Variants in TRMT1 observed in about 807,000 individuals in gnomAD.
TRMT1 encodes the protein tRNA (guanine(26)-N(2))-dimethyltransferase.
TRMT1 carries 63 observed loss-of-function variants against 75.4 expected under a neutral mutation model. That is an observed-to-expected ratio of 0.84 (90% CI 0.68 to 1.03). The LOEUF is 1.03. TRMT1 is among the 50% of genes least tolerant of loss of function. The pLI, the probability that TRMT1 is intolerant of heterozygous loss-of-function variation, is 0.00. For synonymous variants in TRMT1, 382 were observed against 358.1 expected (o/e 1.07, Z -0.75); for missense variants, 870 against 905.3 (o/e 0.96, Z 0.50).
chr19:13,105,670 C>T, intron 14 of TRMT1, 64 bp from the exon 15 acceptor site: 7 of 1,486,570 alleles, frequency 4.7e-6, no homozygotes, highest in Non-Finnish European at 4.6e-6. Flanking sequence ...GTCCCCACTC[C>T]CCACAGGGCC....
At position 13,107,637 on chromosome 19, in the gene TRMT1, G is replaced by T. The variant is rs749406069; in HGVS notation, c.1520C>A (p.Pro507Gln). The change falls in exon 14 of 17, where the codon CCG becomes CAG. Residue 507 changes from proline to glutamine, a missense_variant. Pro to Gln is a moderately conservative substitution (Grantham distance 76). Transcript: ENST00000357720. ...DIMRCWEKECPVKRERLSETS... is the reference protein window; with the variant it reads ...DIMRCWEKECQVKRERLSETS... ...CTCTGATAGTCGCTCCCGTTTCACCGGACATTCCTTCTCCTGGGGGCAGAG... is the reference window on the plus strand; with the variant it reads ...CTCTGATAGTCGCTCCCGTTTCACCTGACATTCCTTCTCCTGGGGGCAGAG... 4 of 1,607,092 alleles carry T rather than the reference G, an allele frequency of 2.5e-6. No individual in the cohort carries two copies. In the African/African-American group the frequency reaches 5.3e-5, roughly 21 times the overall value.
At chr19:13,105,429 C>T in intron 15 of TRMT1, 33 bp from the exon 16 acceptor site, 1 of 1,613,778 alleles carries the variant, frequency 6.2e-7, no homozygotes, top group South Asian at 1.1e-5. Context: ...GGGACCCCAT[C>T]TGCCCTTTAC....
At chr19:13,112,473 T>C (rs1343968035) in intron 7 of TRMT1, among the ~76,000 whole-genome samples, 1 of 152,208 alleles carries the variant, frequency 6.6e-6, no homozygotes, top group Non-Finnish European at 1.5e-5. Context: ...AATGTGGCCA[T>C]GCACTCCTGT....
chr19:13,110,193 G>A lies in TRMT1; in HGVS notation c.984C>T (p.Val328=). 6.2e-7 allele frequency: 1 copy of A among 1,612,470 alleles called. No homozygotes were observed. Among genetic ancestry groups the A allele is most frequent in the Non-Finnish European group, 8.5e-7 (1 of 1,180,014 alleles). The change falls in exon 8 of 17, where the codon GTC becomes GTT. Residue 328 remains valine (V), a synonymous_variant. Transcript: ENST00000357720. ...ADFYVRVFVR[V]FTGQAKVKAS... The stretch of plus-strand genomic sequence containing the variant: ...CCTTGACCTTGGCCTGGCCGGTGAA[G>A]ACACGGACAAAAACACGCACGTAGA...
At chr19:13,105,438 ACC>A (rs1416510575) in intron 15 of TRMT1, 42 bp from the exon 16 acceptor site, 1 of 1,612,880 alleles carries the variant, frequency 6.2e-7, no homozygotes, top group Admixed American at 1.7e-5. Flanking sequence ...TCTGCCCTTT[ACC>A]CCTTCTTTCC....
At chr19:13,108,979 T>C (rs975076511) in intron 12 of TRMT1, among the ~76,000 whole-genome samples, 2 of 148,376 alleles carry the variant, frequency 1.3e-5, no homozygotes, top group African/African-American at 2.5e-5. Flanking sequence ...TGGAGTGGCA[T>C]GATCATAGCT....
rs755464364 is a variant in TRMT1 at position 13,109,586 on chromosome 19, C to T, written c.1275G>A (p.Ser425=). The stretch of plus-strand genomic sequence containing the variant: ...CGCTCAGGACCCCTCGGATCCGCTC[C>T]GAGGTGTGGAAGCGGCCGGGGTTAG... ...VSANPGRFHT[S]ERIRGVLSVI... Residue 425 remains serine (S), a synonymous_variant, in exon 11 of 17, where the codon TCG becomes TCA. Coordinates refer to ENST00000357720, the MANE Select transcript of TRMT1 (RefSeq NM_001136035.4). 2.4e-5 allele frequency: 38 copies of T among 1,613,910 alleles called. No individual in the cohort carries two copies. The highest frequency in any genetic ancestry group is 6.6e-5 in the South Asian group (6 of 91,078).
At position 13,105,159 on chromosome 19, in the gene TRMT1, G is replaced by A. The variant is rs7254704; in HGVS notation, c.1834-78C>T. 10,190 of 1,549,076 alleles carry A rather than the reference G, an allele frequency of 6.6e-3. 549 individuals are homozygous for A. In the African/African-American group the frequency reaches 0.12, roughly 18 times the overall value. ...ATGGGATCCTTTCCTGGGATGGGAA[G>A]CCCACTCCCAAACACTTGCCTGGCC... On this transcript the variant is annotated intron_variant, in intron 16 of 16. Coordinates refer to ENST00000357720, the MANE Select transcript of TRMT1 (RefSeq NM_001136035.4).
At chr19:13,113,352 T>TGG (rs2019214907) in intron 5 of TRMT1, among the ~76,000 whole-genome samples, 1 of 151,928 alleles carries the variant, frequency 6.6e-6, no homozygotes. Flanking sequence ...TTAGTAGAGA[T>TGG]GGGGTTTCAA....
intron 7 of TRMT1, among the ~76,000 whole-genome samples, chr19:13,110,794 C>T (rs983785803): frequency 2.0e-5 from 3 of 151,968 alleles, no homozygotes; most frequent in African/African-American, 7.2e-5. Context: ...ACTAAAAATA[C>T]AAAAAATTAG....
chr19:13,112,217 G>T (rs1334857531), intron 7 of TRMT1, among the ~76,000 whole-genome samples: 1 of 151,022 alleles, frequency 6.6e-6, no homozygotes, highest in Non-Finnish European at 1.5e-5. Context: ...TCAAAGTCCT[G>T]ACCTCAGGTG....
Position 13,110,009 on chromosome 19 carries a change from G to A in TRMT1, c.1020-8C>T, listed in dbSNP as rs757082456. 23 of 1,612,822 alleles carry A rather than the reference G, an allele frequency of 1.4e-5. No homozygotes were observed. Among genetic ancestry groups the A allele is most frequent in the Admixed American group, 5.0e-5 (3 of 59,996 alleles). On this transcript the variant is annotated splice_region_variant and splice_polypyrimidine_tract_variant and intron_variant, in intron 8 of 16. Coordinates refer to ENST00000357720, the MANE Select transcript of TRMT1 (RefSeq NM_001136035.4). ...AACACCAGCGCCTGCTTGCTGTGGGGGGTACCAGTGGCCACGAGTTCCCAG... is the reference window on the plus strand; with the variant it reads ...AACACCAGCGCCTGCTTGCTGTGGGAGGTACCAGTGGCCACGAGTTCCCAG...
chr19:13,108,974 T>G (rs979058784), intron 12 of TRMT1, among the ~76,000 whole-genome samples: 6 of 142,304 alleles, frequency 4.2e-5, no homozygotes, highest in African/African-American at 1.6e-4. Context: ...CAGGCTGGAG[T>G]GGCATGATCA....
intron 5 of TRMT1, among the ~76,000 whole-genome samples, chr19:13,114,661 CAAAA>C (rs926053090): frequency 8.3e-5 from 12 of 143,836 alleles, no homozygotes; most frequent in Non-Finnish European, 9.0e-5. Flanking sequence ...GACTCCGTGT[CAAAA>C]AATAAATAAA....
At chr19:13,116,490 G>T (rs535170744) in intron 1 of TRMT1, 59 bp from the exon 2 acceptor site, 1 of 1,501,752 alleles carries the variant, frequency 6.7e-7, no homozygotes, top group Non-Finnish European at 8.9e-7. Flanking sequence ...TCCGGGCCCG[G>T]GGATGTCCTA....
chr19:13,109,968 G>T lies in TRMT1; in HGVS notation c.1053C>A (p.Cys351Ter). 3 of 1,613,608 alleles carry T rather than the reference G, an allele frequency of 1.9e-6. No homozygotes were observed. The highest frequency in any genetic ancestry group is 2.5e-6 in the Non-Finnish European group (3 of 1,179,924). ...KQALVFQCVG[C>*]GAFHLQRLGK... Reference sequence around the variant, plus strand: ...CGAGACGCTGAAGGTGGAAGGCCCCGCAGCCCACACACTGGAACACCAGCG... The same window carrying T: ...CGAGACGCTGAAGGTGGAAGGCCCCTCAGCCCACACACTGGAACACCAGCG... Residue 351 changes from cysteine to a stop codon, truncating the protein, a stop_gained, in exon 9 of 17, where the codon TGC becomes TGA. Transcript: ENST00000357720. LOFTEE classifies it high-confidence loss of function.
In TRMT1 at chr19:13,110,321, T is replaced by C; in HGVS notation, c.871-15A>G. The stretch of plus-strand genomic sequence containing the variant: ...ATTCTCAGGGCCTGGGGGTGGGGGG[T>C]GGGTGTCAGCCTCCCCTCCACTATC... On this transcript the variant is annotated splice_polypyrimidine_tract_variant and intron_variant, in intron 7 of 16. Transcript: ENST00000357720. 1.7e-6 allele frequency: 1 copy of C among 583,820 alleles called. No homozygotes were observed. The allele number at this position is 583,820 out of a possible 1,614,324, so 36.2% of individuals were successfully genotyped here.
At chr19:13,111,582 G>C (rs1474103637) in intron 7 of TRMT1, among the ~76,000 whole-genome samples, 1 of 137,306 alleles carries the variant, frequency 7.3e-6, no homozygotes, top group Non-Finnish European at 1.5e-5. Context: ...ATTTTTAGTA[G>C]AGACGGGGTT....
Position 13,105,269 on chromosome 19 carries a change from C to T in TRMT1, c.1831G>A (p.Glu611Lys), listed in dbSNP as rs1180326799. ...AGGAAAGGGAGGAGGGACCTCACCTCCTTAAACCTCTTGCAAGGAAATGTC... is the reference window on the plus strand; with the variant it reads ...AGGAAAGGGAGGAGGGACCTCACCTTCTTAAACCTCTTGCAAGGAAATGTC... ...LKTFPCKRFKEGTCQRGDQCC... is the reference protein window; with the variant it reads ...LKTFPCKRFKKGTCQRGDQCC... The change falls in exon 16 of 17, where the codon GAG becomes AAG. Residue 611 changes from glutamate to lysine, a missense_variant and splice_region_variant. Physicochemically the swap from Glu to Lys is moderately conservative, Grantham distance 56 (BLOSUM62 1). Coordinates refer to ENST00000357720, the MANE Select transcript of TRMT1 (RefSeq NM_001136035.4). 6.2e-6 allele frequency: 10 copies of T among 1,613,406 alleles called. No individual in the cohort carries two copies. Among genetic ancestry groups the T allele is most frequent in the Non-Finnish European group, 7.6e-6 (9 of 1,179,714 alleles).
Sources: gnomAD v4.1 joint callset for allele counts (sites outside exome capture counted in the v4.1 genomes callset) on GRCh38, gnomAD v4.1.1 for gene constraint, MANE v1.5 for transcripts, NCBI Gene and HGNC (gene_info 2026-07-23, HGNC 2026-07-21) for gene names.